The following PRKCA variants were observed in gnomAD, a reference collection of about 807,000 sequenced individuals.
PRKCA encodes the protein protein kinase C alpha type.
In PRKCA, 27 loss-of-function variants were observed where a neutral mutation model predicts 87.0. The ratio of observed to expected loss-of-function variants is 0.31; its 90% confidence interval spans 0.23 to 0.43. PRKCA has a LOEUF of 0.43. PRKCA is among the 20% of genes least tolerant of loss of function. The pLI is 1.00. For missense variants in PRKCA, 518 were observed against 852.3 expected (o/e 0.61, Z 4.88); for synonymous variants, 329 against 311.1 (o/e 1.06, Z -0.61).
intron 3 of PRKCA, among the ~76,000 whole-genome samples, chr17:66,602,565 G>A (rs1027071327): frequency 6.6e-6 from 1 of 152,178 alleles, no homozygotes; most frequent in African/African-American, 2.4e-5. Context: ...GACCGGAGCT[G>A]TTCCTATTCG....
At chr17:66,694,213 G>A (rs1169213961) in intron 8 of PRKCA, among the ~76,000 whole-genome samples, 1 of 152,128 alleles carries the variant, frequency 6.6e-6, no homozygotes, top group African/African-American at 2.4e-5. Flanking sequence ...GCCAGGCGCG[G>A]TGGCTCACGC....
chr17:66,579,517 A>T (rs1011731019), intron 3 of PRKCA, among the ~76,000 whole-genome samples: 3 of 152,124 alleles, frequency 2.0e-5, no homozygotes, highest in Non-Finnish European at 4.4e-5. Flanking sequence ...ACACTGCAAG[A>T]AAGGTGCTTT....
chr17:66,730,611 A>G (rs1443560661), intron 8 of PRKCA, among the ~76,000 whole-genome samples: 1 of 152,204 alleles, frequency 6.6e-6, no homozygotes, highest in East Asian at 1.9e-4. Flanking sequence ...AGTTTCCTAT[A>G]GCATGCCAAT....
intron 2 of PRKCA, among the ~76,000 whole-genome samples, chr17:66,338,978 G>A (rs1479851840): frequency 1.3e-5 from 2 of 152,180 alleles, no homozygotes; most frequent in African/African-American, 4.8e-5. Context: ...AATCTGTCTT[G>A]CTGGCATTCC....
intron 3 of PRKCA, among the ~76,000 whole-genome samples, chr17:66,582,510 C>G (rs1479344733): frequency 6.6e-6 from 1 of 152,098 alleles, no homozygotes; most frequent in Middle Eastern, 3.2e-3. Context: ...ATGGGAGTTC[C>G]CCTGCACAAG....
chr17:66,336,754 T>G (rs1045377016), intron 2 of PRKCA, among the ~76,000 whole-genome samples: 3 of 133,662 alleles, frequency 2.2e-5, no homozygotes, highest in African/African-American at 8.3e-5. Flanking sequence ...GCAAATAAGT[T>G]TGTGTGTGTG....
At chr17:66,485,686 T>G (rs6504436) in intron 2 of PRKCA, among the ~76,000 whole-genome samples, 1 of 151,804 alleles carries the variant, frequency 6.6e-6, no homozygotes, top group Non-Finnish European at 1.5e-5. Context: ...CAGACCTACA[T>G]GCTTATAGAT....
intron 3 of PRKCA, among the ~76,000 whole-genome samples, chr17:66,611,929 C>G (rs756265923): frequency 3.9e-5 from 6 of 152,106 alleles, no homozygotes; most frequent in African/African-American, 1.4e-4. Flanking sequence ...TGATGTTGAA[C>G]ATGTTTTTAT....
chr17:66,706,775 A>T (rs1973204175), intron 8 of PRKCA, among the ~76,000 whole-genome samples: 1 of 152,188 alleles, frequency 6.6e-6, no homozygotes, highest in Non-Finnish European at 1.5e-5. Flanking sequence ...ACATTCATTC[A>T]TTCGTGTGTT....
At chr17:66,427,608 C>T (rs1331417204) in intron 2 of PRKCA, among the ~76,000 whole-genome samples, 1 of 152,188 alleles carries the variant, frequency 6.6e-6, no homozygotes, top group Admixed American at 6.5e-5. Flanking sequence ...GTCCTGTAGG[C>T]AAGGGCTTTC....
chr17:66,804,716 A>C lies in PRKCA; in HGVS notation c.*679A>C, dbSNP rs540722007. On this transcript the variant is annotated 3_prime_UTR_variant, in exon 17 of 17. Coordinates refer to ENST00000413366, the MANE Select transcript of PRKCA (RefSeq NM_002737.3). The stretch of plus-strand genomic sequence containing the variant: ...CATCTGGTACCCTCCTTGGTTGATA[A>C]CTGTCTTGATACTTTTCATTCTTTG... The C allele has an allele frequency of 3.3e-5, 5 of 152,880 alleles. No individual in the cohort carries two copies. The highest frequency in any genetic ancestry group is 1.2e-4 in the African/African-American group (5 of 41,578). The allele number at this position is 152,880 out of a possible 1,614,324, so 9.5% of individuals were successfully genotyped here.
intron 3 of PRKCA, among the ~76,000 whole-genome samples, chr17:66,504,486 G>A (rs1313147313): frequency 6.6e-6 from 1 of 152,074 alleles, no homozygotes; most frequent in Non-Finnish European, 1.5e-5. Flanking sequence ...CAGCTACTTG[G>A]GAGACTGAGG....
intron 2 of PRKCA, among the ~76,000 whole-genome samples, chr17:66,465,620 C>T (rs910130091): frequency 6.6e-6 from 1 of 151,524 alleles, no homozygotes; most frequent in Admixed American, 6.6e-5. Flanking sequence ...GCTGGTCTCA[C>T]ACTCCTGAGC....
intron 2 of PRKCA, among the ~76,000 whole-genome samples, chr17:66,493,619 T>G (rs2109649): frequency 0.68 from 102,661 of 151,496 alleles, 35,033 homozygotes; most frequent in Middle Eastern, 0.78. Context: ...CATGCTAGAT[T>G]TGGGGGATCT....
At chr17:66,441,161 CCAAAAAAAAAAAAA>C (rs1476088113) in intron 2 of PRKCA, among the ~76,000 whole-genome samples, 1 of 96,314 alleles carries the variant, frequency 1.0e-5, no homozygotes, top group African/African-American at 4.9e-5. Context: ...AACTCTGTCT[CCAAAAAAAAAAAAA>C]AAAAAAAAAA....
intron 3 of PRKCA, among the ~76,000 whole-genome samples, chr17:66,584,165 A>G (rs1391943018): frequency 6.6e-6 from 1 of 152,162 alleles, no homozygotes; most frequent in African/African-American, 2.4e-5. Flanking sequence ...GGCTTCTGTA[A>G]CAAATTATCA....
At chr17:66,716,566 C>T (rs1007426947) in intron 8 of PRKCA, among the ~76,000 whole-genome samples, 3 of 151,986 alleles carry the variant, frequency 2.0e-5, no homozygotes, top group Non-Finnish European at 4.4e-5. Context: ...AAGGGCAAAC[C>T]GCCTTTCCAG....
chr17:66,626,640 G>T (rs1305105870), intron 3 of PRKCA, among the ~76,000 whole-genome samples: 1 of 151,970 alleles, frequency 6.6e-6, no homozygotes, highest in Non-Finnish European at 1.5e-5. Context: ...AAAGTGCTGG[G>T]ATTACAGGCG....
At chr17:66,517,674 T>G (rs913808441) in intron 3 of PRKCA, among the ~76,000 whole-genome samples, 2 of 152,188 alleles carry the variant, frequency 1.3e-5, no homozygotes, top group African/African-American at 4.8e-5. Flanking sequence ...TCTTACAGGT[T>G]TTTCTGAGCC....
Sources: allele counts gnomAD v4.1 joint callset (sites outside exome capture counted in the v4.1 genomes callset), GRCh38; gene constraint gnomAD v4.1.1; transcripts MANE v1.5; gene names NCBI Gene and HGNC (gene_info 2026-07-23, HGNC 2026-07-21).